Variants in RALYL observed in about 807,000 individuals in gnomAD.
The protein encoded by RALYL is RNA-binding Raly-like protein.
In RALYL, 29 loss-of-function variants were observed where a neutral mutation model predicts 35.1. The ratio of observed to expected loss-of-function variants is 0.83; its 90% CI spans 0.61 to 1.13. The LOEUF is 1.13. Among genes scored for constraint, RALYL ranks in the 50% most tolerant of loss-of-function variants. The pLI is 0.00. For synonymous variants in RALYL, 120 were observed against 127.6 expected (o/e 0.94, Z 0.40); for missense variants, 359 against 360.4 (o/e 1.00, Z 0.03).
intron 1 of RALYL, among the ~76,000 whole-genome samples, chr8:84,514,930 A>C (rs1437403290): frequency 6.6e-6 from 1 of 152,144 alleles, no homozygotes; most frequent in Non-Finnish European, 1.5e-5. Context: ...GTTATAGGTA[A>C]AGTGTTTTAT....
intron 7 of RALYL, among the ~76,000 whole-genome samples, chr8:84,885,511 G>A (rs1842804048): frequency 6.6e-6 from 1 of 152,076 alleles, no homozygotes; most frequent in African/African-American, 2.4e-5. Flanking sequence ...TGCATATCAA[G>A]ATAAAAAGTA....
intron 1 of RALYL, among the ~76,000 whole-genome samples, chr8:84,516,389 T>C (rs1193036545): frequency 1.5e-5 from 2 of 136,716 alleles, no homozygotes; most frequent in Admixed American, 1.5e-4. Flanking sequence ...GCCAAATCCA[T>C]ATATTTAAAT....
intron 2 of RALYL, among the ~76,000 whole-genome samples, chr8:84,720,041 A>T (rs1032277586): frequency 6.6e-6 from 1 of 151,986 alleles, no homozygotes; most frequent in Non-Finnish European, 1.5e-5. Flanking sequence ...AGCTCACTTC[A>T]CTTAATGTAG....
intron 2 of RALYL, among the ~76,000 whole-genome samples, chr8:84,615,373 C>T (rs1819260828): frequency 6.6e-6 from 1 of 150,540 alleles, no homozygotes. Flanking sequence ...TTATGCGTAG[C>T]ATGGGCATCT....
chr8:84,648,941 G>A (rs901931394), intron 2 of RALYL, among the ~76,000 whole-genome samples: 2 of 151,822 alleles, frequency 1.3e-5, no homozygotes, highest in South Asian at 2.1e-4. Context: ...GAGGGAAAAT[G>A]ATAGTCTTAT....
Position 84,873,393 on chromosome 8 carries a change from G to A in RALYL, c.681G>A (p.Glu227=). ...LEKIEKQQKA[E]AEAQKKQLEE... ...AGATTGAGAAACAGCAGAAGGCGGA[G>A]GCAGGTAAGTGATCTCTGATCACAG... Residue 227 remains glutamate, a synonymous_variant, in exon 7 of 9, where the codon GAG becomes GAA. Transcript: ENST00000521268. The A allele has an allele frequency of 6.3e-7, 1 of 1,578,086 alleles. No individual in the cohort carries two copies. The highest frequency in any genetic ancestry group is 8.6e-7 in the Non-Finnish European group (1 of 1,156,578).
chr8:84,471,369 G>A (rs1160820170), intron 1 of RALYL, among the ~76,000 whole-genome samples: 1 of 151,672 alleles, frequency 6.6e-6, no homozygotes, highest in Non-Finnish European at 1.5e-5. Context: ...GATCGCTTGA[G>A]GCCAGGAGTT....
intron 4 of RALYL, among the ~76,000 whole-genome samples, chr8:84,836,318 G>A (rs996407121): frequency 6.6e-6 from 1 of 152,170 alleles, no homozygotes; most frequent in African/African-American, 2.4e-5. Context: ...GCTTTCTTAA[G>A]TTAGGTGGAT....
intron 2 of RALYL, among the ~76,000 whole-genome samples, chr8:84,662,173 A>G (rs188698095): frequency 6.6e-5 from 10 of 152,212 alleles, no homozygotes; most frequent in Admixed American, 6.6e-4. Flanking sequence ...AAAGTATTTC[A>G]GTGGACTCTT....
intron 1 of RALYL, among the ~76,000 whole-genome samples, chr8:84,366,444 G>A (rs1854289467): frequency 6.6e-6 from 1 of 152,106 alleles, no homozygotes; most frequent in African/African-American, 2.4e-5. Flanking sequence ...GCAGTAGTGG[G>A]AGTGAAAATG....
chr8:84,901,989 G>C (rs1451695331), intron 8 of RALYL, among the ~76,000 whole-genome samples: 1 of 152,084 alleles, frequency 6.6e-6, no homozygotes, highest in Non-Finnish European at 1.5e-5. Context: ...AGAACAAAGG[G>C]TTTCTTAACT....
chr8:84,572,943 T>C (rs978013515), intron 2 of RALYL, among the ~76,000 whole-genome samples: 1 of 151,434 alleles, frequency 6.6e-6, no homozygotes, highest in Non-Finnish European at 1.5e-5. Context: ...TTTGCTTAAT[T>C]TTTTTATGGT....
intron 1 of RALYL, among the ~76,000 whole-genome samples, chr8:84,398,500 C>T (rs1042250042): frequency 2.0e-5 from 3 of 152,030 alleles, no homozygotes; most frequent in South Asian, 2.1e-4. Context: ...TAAAACTCAA[C>T]GTAAGACCCT....
At chr8:84,426,318 A>G (rs1015265662) in intron 1 of RALYL, among the ~76,000 whole-genome samples, 3 of 151,854 alleles carry the variant, frequency 2.0e-5, no homozygotes, top group Non-Finnish European at 2.9e-5. Context: ...TCATTTGTAC[A>G]TTAGATCTCT....
intron 1 of RALYL, among the ~76,000 whole-genome samples, chr8:84,284,194 A>G (rs928851361): frequency 3.9e-5 from 6 of 152,140 alleles, no homozygotes; most frequent in South Asian, 2.1e-4. Context: ...GTCTCATTCA[A>G]TGACAGACAT....
At chr8:84,647,943 G>C (rs548196561) in intron 2 of RALYL, among the ~76,000 whole-genome samples, 10 of 152,160 alleles carry the variant, frequency 6.6e-5, no homozygotes, top group Middle Eastern at 3.4e-3. Flanking sequence ...CTGTAATTTG[G>C]GGAAGGATTA....
chr8:84,681,773 T>C (rs540889513), intron 2 of RALYL, among the ~76,000 whole-genome samples: 1 of 152,342 alleles, frequency 6.6e-6, no homozygotes, highest in South Asian at 2.1e-4. Flanking sequence ...TGTACAATCA[T>C]GTCATCTGCA....
intron 1 of RALYL, among the ~76,000 whole-genome samples, chr8:84,251,757 A>G (rs1830235318): frequency 6.6e-6 from 1 of 151,986 alleles, no homozygotes; most frequent in Admixed American, 6.6e-5. Flanking sequence ...ATAGGCTGTT[A>G]TATTTGCTGT....
chr8:84,393,607 T>C (rs1448847357), intron 1 of RALYL, among the ~76,000 whole-genome samples: 1 of 152,100 alleles, frequency 6.6e-6, no homozygotes, highest in East Asian at 1.9e-4. Context: ...AGAAGCCTAG[T>C]TGATTCAACT....
Sources: gnomAD v4.1 joint callset for allele counts (sites outside exome capture counted in the v4.1 genomes callset) on GRCh38, gnomAD v4.1.1 for gene constraint, MANE v1.5 for transcripts, NCBI Gene and HGNC (gene_info 2026-07-23, HGNC 2026-07-21) for gene names.